The following PCED1B variants were observed in gnomAD, a reference collection of about 807,000 sequenced individuals.
PCED1B encodes PC-esterase domain containing 1B, also known as PC-esterase domain-containing protein 1B.
For synonymous variants in PCED1B, 251 were observed against 246.1 expected, an observed-to-expected ratio of 1.02 and a Z score of -0.19; for missense variants, 573 against 573.9, an observed-to-expected ratio of 1.00 and a Z score of 0.02.
intron 2 of PCED1B, among the ~76,000 whole-genome samples, chr12:47,136,686 A>G (rs1262745071): frequency 1.3e-5 from 2 of 152,228 alleles, no homozygotes; most frequent in Admixed American, 6.5e-5. Context: ...TAATCTTAGC[A>G]TCATTATGAG....
chr12:47,222,421 TCAAAAAA>T (rs1565611541), intron 3 of PCED1B, among the ~76,000 whole-genome samples: 1 of 24,678 alleles, frequency 4.1e-5, no homozygotes, highest in African/African-American at 3.1e-4. Context: ...AAACTCCATC[TCAAAAAA>T]AAAAAAAAAA....
In PCED1B at chr12:47,149,759, T is replaced by C. The variant is rs994377001; in HGVS notation, c.-526+45564T>C. Among the ~76,000 whole-genome samples the C allele has an allele frequency of 4.6e-5, 7 of 152,222 alleles. No individual in the cohort carries two copies. The East Asian group carries it at 1.2e-3, about 25-fold the overall frequency. On this transcript the variant is annotated intron_variant, in intron 2 of 3. Coordinates refer to ENST00000546455, the MANE Select transcript of PCED1B (RefSeq NM_138371.3). Reference sequence around the variant, plus strand: ...CATTTATATAAGGACAGGCAGCTGTTAGAAGAGATGCAGAGGAGTATATTG... The same window carrying C: ...CATTTATATAAGGACAGGCAGCTGTCAGAAGAGATGCAGAGGAGTATATTG...
At chr12:47,176,591 A>C (rs913585549) in intron 2 of PCED1B, among the ~76,000 whole-genome samples, 1 of 152,208 alleles carries the variant, frequency 6.6e-6, no homozygotes, top group East Asian at 1.9e-4. Flanking sequence ...CTCTTAAAAT[A>C]TCCTTTCTAA....
intron 3 of PCED1B, among the ~76,000 whole-genome samples, chr12:47,229,591 C>A (rs55799908): frequency 0.011 from 1,648 of 152,152 alleles, 38 homozygotes; most frequent in African/African-American, 0.037. Flanking sequence ...TACACATAGC[C>A]TGAAGGTAAT....
chr12:47,138,620 T>A (rs907519369), intron 2 of PCED1B, among the ~76,000 whole-genome samples: 2 of 152,208 alleles, frequency 1.3e-5, no homozygotes, highest in Non-Finnish European at 2.9e-5. Context: ...GTATCTAAAC[T>A]CTATGGTGCC....
chr12:47,140,346 A>C (rs904587422), intron 2 of PCED1B, among the ~76,000 whole-genome samples: 6 of 152,336 alleles, frequency 3.9e-5, no homozygotes, highest in Admixed American at 1.3e-4. Context: ...TTTAAGATTC[A>C]TTTGTTTATA....
At chr12:47,112,923 G>A (rs923032925) in intron 2 of PCED1B, among the ~76,000 whole-genome samples, 4 of 152,174 alleles carry the variant, frequency 2.6e-5, no homozygotes, top group East Asian at 3.8e-4. Flanking sequence ...TTGCACATAC[G>A]ACTGCCCTGC....
At chr12:47,189,607 A>T (rs976042568) in intron 2 of PCED1B, among the ~76,000 whole-genome samples, 1 of 152,204 alleles carries the variant, frequency 6.6e-6, no homozygotes, top group Non-Finnish European at 1.5e-5. Flanking sequence ...GCTACCGCTA[A>T]CATCAAATCC....
chr12:47,152,097 A>AT (rs1232349423), intron 2 of PCED1B, among the ~76,000 whole-genome samples: 4 of 152,234 alleles, frequency 2.6e-5, no homozygotes, highest in Non-Finnish European at 5.9e-5. Flanking sequence ...TTCTTTGGTA[A>AT]ACACTATAGT....
At chr12:47,125,506 C>T (rs76107388) in intron 2 of PCED1B, among the ~76,000 whole-genome samples, 34 of 151,930 alleles carry the variant, frequency 2.2e-4, no homozygotes, top group South Asian at 2.1e-3. Context: ...TTTGAATTTT[C>T]GTATGAAGTT....
chr12:47,177,538 G>A (rs1035387930), intron 2 of PCED1B, among the ~76,000 whole-genome samples: 1 of 152,126 alleles, frequency 6.6e-6, no homozygotes, highest in Non-Finnish European at 1.5e-5. Context: ...TTGACAGAAT[G>A]TCTCAAAGGA....
At chr12:47,143,941 G>A (rs866013500) in intron 2 of PCED1B, among the ~76,000 whole-genome samples, 1 of 152,172 alleles carries the variant, frequency 6.6e-6, no homozygotes, top group African/African-American at 2.4e-5. Context: ...CTCTGTGGCA[G>A]CTCTGACCCT....
intron 2 of PCED1B, among the ~76,000 whole-genome samples, chr12:47,207,296 T>C (rs1194780634): frequency 6.6e-6 from 1 of 152,232 alleles, no homozygotes; most frequent in African/African-American, 2.4e-5. Flanking sequence ...TTGAATAGCC[T>C]GTTGGATTGG....
intron 2 of PCED1B, among the ~76,000 whole-genome samples, chr12:47,191,815 T>C (rs1381931776): frequency 6.6e-6 from 1 of 151,956 alleles, no homozygotes; most frequent in African/African-American, 2.4e-5. Context: ...TTGTGCTTTT[T>C]TTTTTAAGGA....
chr12:47,226,669 C>G (rs1309879250), intron 3 of PCED1B, among the ~76,000 whole-genome samples: 2 of 152,220 alleles, frequency 1.3e-5, no homozygotes, highest in Non-Finnish European at 2.9e-5. Context: ...GCCACTGCAC[C>G]TGGCCAAAAT....
chr12:47,098,237 C>G (rs1424986793), intron 1 of PCED1B, among the ~76,000 whole-genome samples: 1 of 152,198 alleles, frequency 6.6e-6, no homozygotes, highest in East Asian at 1.9e-4. Context: ...CAGACTCTCT[C>G]TTACGATTCT....
At chr12:47,212,375 G>T (rs1943119634) in intron 2 of PCED1B, among the ~76,000 whole-genome samples, 1 of 152,216 alleles carries the variant, frequency 6.6e-6, no homozygotes, top group South Asian at 2.1e-4. Context: ...GTAAGACCCA[G>T]TTCTTGCAGG....
chr12:47,205,145 G>T (rs933592114), intron 2 of PCED1B, among the ~76,000 whole-genome samples: 19 of 152,146 alleles, frequency 1.2e-4, no homozygotes, highest in Non-Finnish European at 1.0e-4. Context: ...GTAGGGGGTT[G>T]GAAAGTGGGG....
chr12:47,122,843 C>T (rs893323323), intron 2 of PCED1B, among the ~76,000 whole-genome samples: 1 of 152,182 alleles, frequency 6.6e-6, no homozygotes, highest in Non-Finnish European at 1.5e-5. Flanking sequence ...ATTAAGCACT[C>T]TGCAATGTCC....
Sources: gnomAD v4.1 joint callset for allele counts (sites outside exome capture counted in the v4.1 genomes callset) on GRCh38, gnomAD v4.1.1 for gene constraint, MANE v1.5 for transcripts, NCBI Gene and HGNC (gene_info 2026-07-23, HGNC 2026-07-21) for gene names.